Variants in NECTIN1 observed in about 807,000 individuals in gnomAD.
NECTIN1 encodes nectin-1.
In NECTIN1, 23 loss-of-function variants were observed where a neutral mutation model predicts 48.0. The observed-to-expected ratio is 0.48, with a 90% CI of 0.34 to 0.68. The LOEUF is 0.68. NECTIN1 is among the 30% of genes least tolerant of loss of function. The probability of loss-of-function intolerance (pLI) is 0.01; values close to 1 mark genes in which losing one functional copy is unlikely to be tolerated. For synonymous variants in NECTIN1, 270 were observed against 288.9 expected (o/e 0.93, Z 0.66); for missense variants, 591 against 709.9 (o/e 0.83, Z 1.90).
rs926418623 is a variant in NECTIN1 at position 119,727,510 on chromosome 11, G to C, written c.79+965C>G. ...TGGTGTCCAGTCAGCCGGCGAGCTCGGCAGCTTCCCCAGGGACACAAAGGG... is the reference window on the plus strand; with the variant it reads ...TGGTGTCCAGTCAGCCGGCGAGCTCCGCAGCTTCCCCAGGGACACAAAGGG... On this transcript the variant is annotated intron_variant, in intron 1 of 5. Coordinates refer to ENST00000264025, the MANE Select transcript of NECTIN1 (RefSeq NM_002855.5). The surrounding 1 kb of genome is among the most constrained non-coding windows in gnomAD (Gnocchi z 4.1). Among the ~76,000 whole-genome samples, 4 of 152,174 alleles carry C rather than the reference G, an allele frequency of 2.6e-5. No homozygotes were observed. The highest frequency in any genetic ancestry group is 6.5e-5 in the Admixed American group (1 of 15,278).
rs149512394 is a variant in NECTIN1, at chr11:119,671,218, C to CAGTA, written c.1003+3937_1003+3940dup. ...CATCCCTCCAGCTGTTACACTCAGC[C>CAGTA]AGTAGCTCCTGTCTCTGTGCCAGGA... On this transcript the variant is annotated intron_variant, in intron 5 of 5. Transcript: ENST00000264025. Among the ~76,000 whole-genome samples, 1,310 of 151,926 alleles carry CAGTA rather than the reference C, an allele frequency of 8.6e-3. 11 individuals are homozygous for CAGTA. The highest frequency in any genetic ancestry group is 0.03 in the African/African-American group (1,259 of 41,414).
At chr11:119,685,358 A>C (rs887017388) in intron 1 of NECTIN1, among the ~76,000 whole-genome samples, 1 of 152,202 alleles carries the variant, frequency 6.6e-6, no homozygotes, top group African/African-American at 2.4e-5. Context: ...GGGTGAGCAC[A>C]GTGCGTGGGA....
chr11:119,656,803 G>A (rs955023460), downstream of NECTIN1, among the ~76,000 whole-genome samples: 9 of 152,172 alleles, frequency 5.9e-5, no homozygotes, highest in Admixed American at 4.6e-4. Flanking sequence ...TCTGCCTAAC[G>A]GGGATATAGG....
At chr11:119,651,160 T>G (rs1051536020) in intron 5 of NECTIN1, among the ~76,000 whole-genome samples, 1 of 151,882 alleles carries the variant, frequency 6.6e-6, no homozygotes, top group African/African-American at 2.4e-5. Context: ...CTCTGGGAGG[T>G]AACAGCAGAA....
intron 5 of NECTIN1, among the ~76,000 whole-genome samples, chr11:119,669,271 G>A (rs1258593848): frequency 1.3e-5 from 2 of 152,150 alleles, no homozygotes; most frequent in Non-Finnish European, 2.9e-5. Flanking sequence ...AATTAGCCAG[G>A]TGTAGTGATG....
At chr11:119,720,104 G>A (rs1288073752) in intron 1 of NECTIN1, among the ~76,000 whole-genome samples, 1 of 152,204 alleles carries the variant, frequency 6.6e-6, no homozygotes, top group Non-Finnish European at 1.5e-5. Context: ...TTCACCCAAG[G>A]AGCAGTGTGG....
At chr11:119,674,473 G>T (rs1335621157) in intron 5 of NECTIN1, 2 of 1,606,420 alleles carry the variant, frequency 1.2e-6, no homozygotes, top group Non-Finnish European at 1.7e-6. Flanking sequence ...TCTGACAACA[G>T]CCCTTCAAGG....
chr11:119,724,364 G>C (rs983642689), intron 1 of NECTIN1, among the ~76,000 whole-genome samples: 1 of 152,112 alleles, frequency 6.6e-6, no homozygotes, highest in East Asian at 1.9e-4. Context: ...GACAAGAGAG[G>C]AATATCTCTC....
chr11:119,638,772 A>G, exon 7 of NECTIN1: 6 of 1,613,898 alleles, frequency 3.7e-6, no homozygotes, highest in Non-Finnish European at 5.1e-6. Context: ...CTGCTGGGAG[A>G]AGGCTCCGGC....
rs1026114445 is a variant in NECTIN1, at chr11:119,673,486, G to A, written c.1003+1673C>T. 1.4e-4 allele frequency among the ~76,000 whole-genome samples: 22 copies of A among 152,274 alleles called. No individual in the cohort carries two copies. Among genetic ancestry groups the A allele is most frequent in the African/African-American group, 5.3e-4 (22 of 41,554 alleles). On this transcript the variant is annotated intron_variant, in intron 5 of 5. Coordinates refer to ENST00000264025, the MANE Select transcript of NECTIN1 (RefSeq NM_002855.5). The surrounding 1 kb of genome is among the most constrained non-coding windows in gnomAD (Gnocchi z 5.8). Reference sequence around the variant, plus strand: ...CACCATCAGGGGAAGGTATCACCACGCAGGGAGTACTGCATGATCGTAAGA... The same window carrying A: ...CACCATCAGGGGAAGGTATCACCACACAGGGAGTACTGCATGATCGTAAGA...
Position 119,662,794 on chromosome 11 carries a change from G to C in NECTIN1, c.*1953C>G, listed in dbSNP as rs1350743567. On this transcript the variant is annotated 3_prime_UTR_variant, in exon 6 of 6. Coordinates refer to ENST00000264025, the MANE Select transcript of NECTIN1 (RefSeq NM_002855.5). This position sits in a 1 kb window ranked among gnomAD's most constrained non-coding sequence, Gnocchi z 5.3. The stretch of plus-strand genomic sequence containing the variant: ...CCTCCCTCTGCCCTGTGGCTGGAAA[G>C]ACTCCACAATTTTCTCCCCTAACTT... The C allele has an allele frequency of 2.0e-6, 2 of 986,288 alleles. No individual in the cohort carries two copies. Among genetic ancestry groups the C allele is most frequent in the Non-Finnish European group, 2.4e-6 (2 of 830,422 alleles). The allele number at this position is 986,288 out of a possible 1,614,324, so 61.1% of individuals were successfully genotyped here.
intron 1 of NECTIN1, among the ~76,000 whole-genome samples, chr11:119,704,249 G>T (rs1422226704): frequency 6.6e-6 from 1 of 151,846 alleles, no homozygotes; most frequent in African/African-American, 2.4e-5. Flanking sequence ...CTGAGACGGA[G>T]TCTCACTCTG....
intron 1 of NECTIN1, among the ~76,000 whole-genome samples, chr11:119,688,279 G>A (rs1865193764): frequency 1.3e-5 from 2 of 152,150 alleles, no homozygotes; most frequent in South Asian, 2.1e-4. Context: ...ACAAGCAGTT[G>A]TATTATTTGC....
In NECTIN1 at chr11:119,727,709, C is replaced by T. The variant is rs535751914; in HGVS notation, c.79+766G>A. ...GCGAGGTTAACCCCTCGGCTGCCGGCAGCCCGCACCTCGAGGAAGGACACG... is the reference window on the plus strand; with the variant it reads ...GCGAGGTTAACCCCTCGGCTGCCGGTAGCCCGCACCTCGAGGAAGGACACG... On this transcript the variant is annotated intron_variant, in intron 1 of 5. Coordinates refer to ENST00000264025, the MANE Select transcript of NECTIN1 (RefSeq NM_002855.5). This position sits in a 1 kb window ranked among gnomAD's most constrained non-coding sequence, Gnocchi z 4.1. Among the ~76,000 whole-genome samples, 13 of 152,192 alleles carry T rather than the reference C, an allele frequency of 8.5e-5. No homozygotes were observed. Among genetic ancestry groups the T allele is most frequent in the Non-Finnish European group, 1.2e-4 (8 of 68,028 alleles).
chr11:119,709,405 C>T lies in NECTIN1; in HGVS notation c.79+19070G>A, dbSNP rs926829508. The stretch of plus-strand genomic sequence containing the variant: ...CCTGGGCCACTCTGCTACCTGGGGC[C>T]GGGGGAGAGCCTGCAGGGGCAGGGG... On this transcript the variant is annotated intron_variant, in intron 1 of 5. Coordinates refer to ENST00000264025, the MANE Select transcript of NECTIN1 (RefSeq NM_002855.5). The surrounding 1 kb of genome is among the most constrained non-coding windows in gnomAD (Gnocchi z 4.1). Among the ~76,000 whole-genome samples the T allele has an allele frequency of 1.3e-5, 2 of 152,158 alleles. No homozygotes were observed. Among genetic ancestry groups the T allele is most frequent in the Non-Finnish European group, 2.9e-5 (2 of 68,024 alleles).
intron 5 of NECTIN1, chr11:119,674,406 T>C (rs1184061922): frequency 6.6e-7 from 1 of 1,518,242 alleles, no homozygotes; most frequent in Non-Finnish European, 8.8e-7. Flanking sequence ...CACGGAACAT[T>C]GGCCATTTAT....
Position 119,664,449 on chromosome 11 carries a change from A to C in NECTIN1, c.*298T>G. On this transcript the variant is annotated 3_prime_UTR_variant, in exon 6 of 6. Coordinates refer to ENST00000264025, the MANE Select transcript of NECTIN1 (RefSeq NM_002855.5). ...GGATGCCCAGGTACACAAGACGAGA[A>C]CAGGGCTCCCTACACAGAGGGCAGG... 1 of 1,199,638 alleles carries C rather than the reference A, an allele frequency of 8.3e-7. No homozygotes were observed. 74.3% of individuals were successfully genotyped at this position (1,199,638 alleles called of 1,614,324 possible).
chr11:119,710,486 T>C (rs550467536), intron 1 of NECTIN1, among the ~76,000 whole-genome samples: 1 of 152,270 alleles, frequency 6.6e-6, no homozygotes, highest in South Asian at 2.1e-4. Flanking sequence ...ACAGGATAAA[T>C]TCACTGACAT....
Position 119,664,126 on chromosome 11 carries a change from A to C in NECTIN1, c.*621T>G. Reference sequence around the variant, plus strand: ...AAAATGTAAAACCACCCTCAGCAGGAAAACACTGCCCAAGGCCCCGCTTAA... The same window carrying C: ...AAAATGTAAAACCACCCTCAGCAGGCAAACACTGCCCAAGGCCCCGCTTAA... On this transcript the variant is annotated 3_prime_UTR_variant, in exon 6 of 6. Coordinates refer to ENST00000264025, the MANE Select transcript of NECTIN1 (RefSeq NM_002855.5). 1.0e-6 allele frequency: 1 copy of C among 986,046 alleles called. No individual in the cohort carries two copies. The highest frequency in any genetic ancestry group is 1.2e-6 in the Non-Finnish European group (1 of 830,112). 61.1% of individuals were successfully genotyped at this position (986,046 alleles called of 1,614,324 possible).
Sources: allele counts gnomAD v4.1 joint callset (sites outside exome capture counted in the v4.1 genomes callset), GRCh38; gene constraint gnomAD v4.1.1; non-coding constraint Gnocchi (gnomAD v3.1); transcripts MANE v1.5; gene names NCBI Gene and HGNC (gene_info 2026-07-23, HGNC 2026-07-21).